SLC44A5: variants seen among roughly 807,000 people sequenced by gnomAD.
SLC44A5 encodes the protein choline transporter-like protein 5.
Under a neutral mutation model 101.8 loss-of-function variants are expected in SLC44A5, and 57 were observed. The observed-to-expected ratio is 0.56, with a 90% CI of 0.45 to 0.70. SLC44A5 has a LOEUF of 0.70. SLC44A5 is among the 30% of genes least tolerant of loss of function. The pLI, the probability that SLC44A5 is intolerant of heterozygous loss-of-function variation, is 0.00. For synonymous variants in SLC44A5, 281 were observed against 290.9 expected (o/e 0.97, Z 0.35); for missense variants, 737 against 853.1 (o/e 0.86, Z 1.70).
chr1:75,436,515 T>C (rs1664899534), intron 2 of SLC44A5, among the ~76,000 whole-genome samples: 1 of 152,082 alleles, frequency 6.6e-6, no homozygotes, highest in African/African-American at 2.4e-5. Flanking sequence ...GCACTTACCA[T>C]GAATGGAGGG....
At chr1:75,480,631 C>T (rs917930185) in intron 2 of SLC44A5, among the ~76,000 whole-genome samples, 24 of 152,028 alleles carry the variant, frequency 1.6e-4, no homozygotes, top group African/African-American at 5.8e-4. Context: ...AGAGCCAAAT[C>T]ATGAGTGAAC....
chr1:75,423,454 T>C (rs1439973134), intron 2 of SLC44A5, among the ~76,000 whole-genome samples: 1 of 152,178 alleles, frequency 6.6e-6, no homozygotes, highest in African/African-American at 2.4e-5. Context: ...CTTGGTTATT[T>C]CCCCTAAAGT....
chr1:75,388,647 C>T (rs930171207), intron 3 of SLC44A5, among the ~76,000 whole-genome samples: 24 of 152,030 alleles, frequency 1.6e-4, no homozygotes, highest in Non-Finnish European at 2.4e-4. Context: ...GGCGTGGTGG[C>T]GGGCGCCTGT....
chr1:75,713,218 TATA>T, the SLC44A5 span, among the ~76,000 whole-genome samples: 2 of 152,208 alleles, frequency 1.3e-5, no homozygotes, highest in Non-Finnish European at 2.9e-5. Context: ...TGTATATTGA[TATA>T]ATAATTTTAT....
the SLC44A5 span, among the ~76,000 whole-genome samples, chr1:75,649,359 C>G: frequency 6.6e-6 from 1 of 152,054 alleles, no homozygotes; most frequent in Non-Finnish European, 1.5e-5. Context: ...CTATTTATTA[C>G]TTAAAATAAA....
chr1:75,242,251 G>C (rs1161430324), intron 8 of SLC44A5, among the ~76,000 whole-genome samples, 190 bp from the exon 9 acceptor site: 1 of 151,950 alleles, frequency 6.6e-6, no homozygotes, highest in Non-Finnish European at 1.5e-5. Context: ...TGTCCTAACT[G>C]TAATTCAATC....
upstream of SLC44A5, among the ~76,000 whole-genome samples, chr1:75,612,949 C>G (rs1464061945): frequency 6.6e-6 from 1 of 152,108 alleles, no homozygotes; most frequent in Non-Finnish European, 1.5e-5. Flanking sequence ...ATTCCATTGG[C>G]CTTTCTGAAA....
At chr1:75,557,944 T>C (rs1672310121) in intron 1 of SLC44A5, among the ~76,000 whole-genome samples, 1 of 152,126 alleles carries the variant, frequency 6.6e-6, no homozygotes, top group African/African-American at 2.4e-5. Flanking sequence ...GATTATATAT[T>C]AGCACATTCC....
intron 3 of SLC44A5, among the ~76,000 whole-genome samples, chr1:75,364,838 A>G (rs1261689845): frequency 6.6e-6 from 1 of 151,776 alleles, no homozygotes; most frequent in East Asian, 1.9e-4. Flanking sequence ...GAGCTCACTG[A>G]TTCTTTATTA....
intron 2 of SLC44A5, among the ~76,000 whole-genome samples, chr1:75,516,519 T>A (rs1669847611): frequency 6.6e-6 from 1 of 151,738 alleles, no homozygotes; most frequent in South Asian, 2.1e-4. Context: ...TCCGTCTTAC[T>A]AAAAAAAATT....
chr1:75,471,687 C>T (rs549830127), intron 2 of SLC44A5, among the ~76,000 whole-genome samples: 1 of 152,124 alleles, frequency 6.6e-6, no homozygotes, highest in Admixed American at 6.5e-5. Flanking sequence ...CCCTCTATTT[C>T]TTAATTTTCT....
At chr1:75,499,827 G>A (rs758604016) in intron 2 of SLC44A5, among the ~76,000 whole-genome samples, 49 of 152,062 alleles carry the variant, frequency 3.2e-4, no homozygotes, top group Non-Finnish European at 4.6e-4. Context: ...ATAGCTGTCC[G>A]CCAACTCATT....
intron 2 of SLC44A5, among the ~76,000 whole-genome samples, chr1:75,408,239 T>G (rs1663034138): frequency 6.6e-6 from 1 of 152,058 alleles, no homozygotes; most frequent in Non-Finnish European, 1.5e-5. Flanking sequence ...TGTGGAGAAA[T>G]AAGAATGTTT....
chr1:75,321,553 C>T (rs1268057889), intron 4 of SLC44A5, among the ~76,000 whole-genome samples: 1 of 152,176 alleles, frequency 6.6e-6, no homozygotes, highest in African/African-American at 2.4e-5. Context: ...GATTTAATCA[C>T]ATCCCAAAGG....
the SLC44A5 span, among the ~76,000 whole-genome samples, chr1:75,680,765 GC>G: frequency 6.6e-6 from 1 of 151,378 alleles, no homozygotes; most frequent in Non-Finnish European, 1.5e-5. Context: ...TAAAATCAGA[GC>G]AGAACTGAAG....
intron 2 of SLC44A5, among the ~76,000 whole-genome samples, chr1:75,477,122 C>T (rs1667467750): frequency 6.6e-6 from 1 of 152,246 alleles, no homozygotes; most frequent in African/African-American, 2.4e-5. Flanking sequence ...GCAGCCACCG[C>T]TGCTGGTACC....
rs549901308 is a variant in SLC44A5, at chr1:75,525,803, A to G, written c.13+15632T>C. On this transcript the variant is annotated intron_variant, in intron 2 of 23. Transcript: ENST00000370859. ...TTATGGTAAATATTATGTCTGCAAC[A>G]TATTTTCAAGGTGTTCGGAAAAAAG... is the stretch of plus-strand genomic sequence containing the variant. Among the ~76,000 whole-genome samples the G allele has an allele frequency of 1.6e-3, 246 of 152,338 alleles. 2 individuals are homozygous for G. The highest frequency in any genetic ancestry group is 7.0e-3 in the South Asian group (34 of 4,830).
intron 5 of SLC44A5, among the ~76,000 whole-genome samples, chr1:75,285,823 G>A (rs1296898504): frequency 6.6e-6 from 1 of 151,970 alleles, no homozygotes; most frequent in Admixed American, 6.6e-5. Context: ...TTCTACTGTG[G>A]TTTGAGGGAG....
the SLC44A5 span, among the ~76,000 whole-genome samples, chr1:75,617,173 A>AT: frequency 1.3e-5 from 2 of 151,916 alleles, no homozygotes; most frequent in Admixed American, 6.6e-5. Flanking sequence ...ACAATATCGA[A>AT]TTTTTTTTAT....
Sources: allele counts gnomAD v4.1 joint callset (sites outside exome capture counted in the v4.1 genomes callset), GRCh38; gene constraint gnomAD v4.1.1; transcripts MANE v1.5; gene names NCBI Gene and HGNC (gene_info 2026-07-23, HGNC 2026-07-21).